The following GABPB1 variants were observed in gnomAD, a reference collection of about 807,000 sequenced individuals.
GABPB1 encodes GA binding protein transcription factor subunit beta 1.
In GABPB1, 15 loss-of-function variants were observed where a neutral mutation model predicts 45.9. That is an observed-to-expected ratio of 0.33 (90% confidence interval 0.22 to 0.50). The LOEUF (loss-of-function observed/expected upper bound fraction) is 0.50, where lower values mean the gene tolerates loss of function less well. Among genes scored for constraint, GABPB1 ranks in the 20% least tolerant of loss-of-function variants. GABPB1 has a pLI of 0.98. For missense variants in GABPB1, 252 were observed against 457.5 expected (o/e 0.55, Z 4.10); for synonymous variants, 143 against 154.4 (o/e 0.93, Z 0.55).
chr15:50,316,136 T>A (rs2047319448), intron 1 of GABPB1, among the ~76,000 whole-genome samples: 1 of 152,228 alleles, frequency 6.6e-6, no homozygotes, highest in Non-Finnish European at 1.5e-5. Context: ...AAAAATATAT[T>A]GCTTTTCTGC....
At chr15:50,315,866 G>A (rs1302679994) in intron 1 of GABPB1, among the ~76,000 whole-genome samples, 1 of 152,202 alleles carries the variant, frequency 6.6e-6, no homozygotes, top group Admixed American at 6.5e-5. Context: ...CTTGAGGCCA[G>A]GAGTTTGAGA....
intron 1 of GABPB1, among the ~76,000 whole-genome samples, chr15:50,330,096 G>T (rs1335243725): frequency 1.3e-5 from 2 of 151,702 alleles, no homozygotes; most frequent in Admixed American, 6.6e-5. Flanking sequence ...GAGAGACGAG[G>T]TTTTGACATG....
chr15:50,315,430 C>T (rs535427570), intron 1 of GABPB1, among the ~76,000 whole-genome samples: 4 of 152,200 alleles, frequency 2.6e-5, no homozygotes, highest in African/African-American at 9.6e-5. Context: ...CTGCACCCAG[C>T]AACTATGATT....
chr15:50,300,949 C>T (rs2046719369), intron 5 of GABPB1, 47 bp from the exon 6 acceptor site: 1 of 1,129,908 alleles, frequency 8.9e-7, no homozygotes, highest in Non-Finnish European at 1.3e-6. Flanking sequence ...GAGCTTAATC[C>T]AATGCATATT....
intron 2 of GABPB1, among the ~76,000 whole-genome samples, chr15:50,308,006 ATT>A (rs376862031): frequency 0.011 from 1,660 of 145,404 alleles, 8 homozygotes; most frequent in South Asian, 0.02. Flanking sequence ...AGTCTGGATC[ATT>A]TTTTTTTTCA....
intron 1 of GABPB1, 141 bp from the exon 2 acceptor site, chr15:50,309,939 A>T (rs1486821957): frequency 3.9e-6 from 2 of 514,750 alleles, no homozygotes; most frequent in African/African-American, 2.0e-5. Flanking sequence ...TTAAAATTAC[A>T]GATCATACAA....
intron 1 of GABPB1, among the ~76,000 whole-genome samples, chr15:50,335,853 G>A (rs2048101435): frequency 6.9e-6 from 1 of 143,954 alleles, no homozygotes; most frequent in East Asian, 2.0e-4. Context: ...CCGAGATCAT[G>A]GTGCTGCACT....
At chr15:50,336,434 C>T (rs1257136139) in intron 1 of GABPB1, among the ~76,000 whole-genome samples, 1 of 151,764 alleles carries the variant, frequency 6.6e-6, no homozygotes, top group Non-Finnish European at 1.5e-5. Context: ...TGTCTCACAC[C>T]TGTAATCCCA....
chr15:50,294,639 C>T (rs62022563), intron 6 of GABPB1, among the ~76,000 whole-genome samples: 42,830 of 152,048 alleles, frequency 0.28, 7,485 homozygotes, highest in Middle Eastern at 0.42. Context: ...CAAAACAAAA[C>T]AACCTCATGA....
chr15:50,297,632 C>T (rs2046568743), intron 6 of GABPB1, among the ~76,000 whole-genome samples: 1 of 152,188 alleles, frequency 6.6e-6, no homozygotes, highest in African/African-American at 2.4e-5. Context: ...ATCAGAAGTT[C>T]GAGGCCAGCC....
intron 1 of GABPB1, among the ~76,000 whole-genome samples, chr15:50,318,827 G>GA (rs985963074): frequency 1.3e-5 from 2 of 152,100 alleles, no homozygotes; most frequent in African/African-American, 4.8e-5. Context: ...TCAGAAGGGA[G>GA]AAAAAAACTA....
chr15:50,313,361 T>TAATCATA (rs1197306842), intron 1 of GABPB1, among the ~76,000 whole-genome samples: 4 of 152,196 alleles, frequency 2.6e-5, no homozygotes. Flanking sequence ...AACTGATGCT[T>TAATCATA]TGATATATTG....
chr15:50,301,043 G>A, intron 5 of GABPB1, 141 bp from the exon 6 acceptor site: 1 of 815,796 alleles, frequency 1.2e-6, no homozygotes, highest in Non-Finnish European at 1.9e-6. Context: ...AGTAAATTTT[G>A]TAATATCACC....
intron 1 of GABPB1, among the ~76,000 whole-genome samples, chr15:50,345,962 T>A (rs7176035): frequency 0.63 from 94,713 of 151,376 alleles, 30,638 homozygotes; most frequent in African/African-American, 0.77. Context: ...CCACCCGCCC[T>A]GGCCTCCCAA....
rs746862266 is a variant in GABPB1, at chr15:50,286,141, A to G, written c.926T>C (p.Ile309Thr). 2.1e-5 allele frequency: 33 copies of G among 1,607,642 alleles called. No homozygotes were observed. Among genetic ancestry groups the G allele is most frequent in the Non-Finnish European group, 1.9e-5 (22 of 1,176,866 alleles). ...TCTCTTAGCTGGTGGTTCTTCACTT[A>G]TAACAGTTTCTTCAGCAATGTCTGT... ...PATDIAEETV[I>T]SEEPPAKRQC... is the part of the protein sequence containing the mutation. Residue 309 changes from isoleucine (I) to threonine (T), a missense_variant, in exon 8 of 9, where the codon ATA becomes ACA. By Grantham distance (89) the Ile-to-Thr change is moderately conservative (BLOSUM62 -1). This residue lies in a region of GABPB1 where 193 missense variants were observed against 259.9 expected (regional missense o/e 0.74). Coordinates refer to ENST00000380877, the MANE Select transcript of GABPB1 (RefSeq NM_016654.5).
chr15:50,276,218 T>G lies in GABPB1; in HGVS notation c.*2414A>C, dbSNP rs2045837096. The stretch of plus-strand genomic sequence containing the variant: ...ACAATTATGTGGATTTCTGAAAACT[T>G]TTATTTCATATACTTTTATTTTTGT... On this transcript the variant is annotated 3_prime_UTR_variant, in exon 9 of 9. Coordinates refer to ENST00000380877, the MANE Select transcript of GABPB1 (RefSeq NM_016654.5). 1 of 152,236 alleles carries G rather than the reference T, an allele frequency of 6.6e-6. No individual in the cohort carries two copies. 9.4% of individuals were successfully genotyped at this position (152,236 alleles called of 1,614,324 possible).
intron 6 of GABPB1, among the ~76,000 whole-genome samples, chr15:50,298,413 G>T (rs1352621736): frequency 5.3e-5 from 8 of 152,128 alleles, no homozygotes; most frequent in Non-Finnish European, 1.2e-4. Flanking sequence ...TTAAAGAAAA[G>T]AAATTTACAA....
intron 1 of GABPB1, among the ~76,000 whole-genome samples, chr15:50,339,500 GAA>G (rs879550186): frequency 2.6e-5 from 3 of 114,910 alleles, no homozygotes; most frequent in Non-Finnish European, 3.8e-5. Flanking sequence ...CTCCACCTTG[GAA>G]AAAAAAAAAA....
chr15:50,317,070 T>C (rs1483547076), intron 1 of GABPB1, among the ~76,000 whole-genome samples: 1 of 152,010 alleles, frequency 6.6e-6, no homozygotes, highest in African/African-American at 2.4e-5. Context: ...GAATCAGGAC[T>C]CTAAGTTGTA....
Sources: gnomAD v4.1 joint callset for allele counts (sites outside exome capture counted in the v4.1 genomes callset) on GRCh38, gnomAD v4.1.1 for gene constraint, gnomAD v4.1.1 regional missense constraint, MANE v1.5 for transcripts, NCBI Gene and HGNC (gene_info 2026-07-23, HGNC 2026-07-21) for gene names.